The following NUP205 variants were observed in gnomAD, a reference collection of about 807,000 sequenced individuals.
NUP205 encodes nucleoporin 205, also known as nuclear pore complex protein Nup205.
A neutral mutation model predicts 253.8 loss-of-function variants in NUP205; 76 were observed. The ratio of observed to expected loss-of-function variants is 0.30; its 90% confidence interval spans 0.25 to 0.36. The LOEUF (loss-of-function observed/expected upper bound fraction) is 0.36, where lower values mean the gene tolerates loss of function less well. NUP205 is among the 10% of genes least tolerant of loss of function. The pLI is 1.00. For synonymous variants in NUP205, 832 were observed against 850.1 expected, an observed-to-expected ratio of 0.98 and a Z score of 0.37; for missense variants, 2,162 against 2,425.5, an observed-to-expected ratio of 0.89 and a Z score of 2.28.
intron 4 of NUP205, among the ~76,000 whole-genome samples, chr7:135,576,672 A>G (rs538274856): frequency 6.6e-6 from 1 of 152,290 alleles, no homozygotes; most frequent in East Asian, 1.9e-4. Flanking sequence ...TCTTGAGCTC[A>G]GGAGTTTTAG....
intron 22 of NUP205, among the ~76,000 whole-genome samples, chr7:135,611,692 G>A (rs1398268944): frequency 6.6e-6 from 1 of 152,070 alleles, no homozygotes; most frequent in Non-Finnish European, 1.5e-5. Flanking sequence ...ACAAAAATTA[G>A]CCAGGCGTTA....
At chr7:135,617,040 T>C in intron 25 of NUP205, 50 bp from the exon 26 acceptor site, 1 of 1,422,238 alleles carries the variant, frequency 7.0e-7, no homozygotes, top group Non-Finnish European at 9.6e-7. Context: ...ATGGCTTGCC[T>C]TTCTTTTCAA....
chr7:135,643,064 G>T, intron 38 of NUP205, 128 bp from the exon 39 acceptor site: 1 of 753,096 alleles, frequency 1.3e-6, no homozygotes. Flanking sequence ...AAGTAATCTT[G>T]GGTTGGTTTT....
chr7:135,589,826 G>A (rs896062668), intron 10 of NUP205, among the ~76,000 whole-genome samples: 2 of 151,150 alleles, frequency 1.3e-5, no homozygotes, highest in Middle Eastern at 7.0e-3. Flanking sequence ...CCATTTGCAC[G>A]GGAGGCTGAG....
chr7:135,609,104 CAAA>C lies in NUP205; in HGVS notation c.3195+1751_3195+1753del, dbSNP rs1163880987. On this transcript the variant is annotated intron_variant, in intron 22 of 42. Coordinates refer to ENST00000285968, the MANE Select transcript of NUP205 (RefSeq NM_015135.3). ...GGGCAACAAGAGCAAAACTCCGTCT[CAAA>C]AAAAAAAAAAAAAAAAAGAACCAGG... Among the ~76,000 whole-genome samples, 20 of 66,200 alleles carry C rather than the reference CAAA, an allele frequency of 3.0e-4. No homozygotes were observed. The South Asian group carries it at 8.6e-3, about 28-fold the overall frequency. The allele number at this position is 66,200 out of a possible 152,430, so 43.4% of individuals were successfully genotyped here.
intron 22 of NUP205, among the ~76,000 whole-genome samples, 168 bp from the exon 23 acceptor site, chr7:135,613,991 C>G (rs1274220979): frequency 1.3e-5 from 2 of 152,152 alleles, no homozygotes; most frequent in Non-Finnish European, 2.9e-5. Flanking sequence ...TTGCCAAGGA[C>G]TGTTCATAAC....
chr7:135,570,072 G>T (rs1805908782), intron 1 of NUP205, among the ~76,000 whole-genome samples: 3 of 149,126 alleles, frequency 2.0e-5, no homozygotes, highest in Admixed American at 6.7e-5. Flanking sequence ...GAGAGAGAGA[G>T]AGAGAGAGAG....
Position 135,577,694 on chromosome 7 carries a change from T to C in NUP205, c.649-102T>C. The C allele has an allele frequency of 3.7e-6, 3 of 802,394 alleles. 1 individual carries two copies. In the South Asian group the frequency reaches 5.3e-5, roughly 14 times the overall value. 49.7% of individuals were successfully genotyped at this position (802,394 alleles called of 1,614,324 possible). ...TCTTAGGATCACTTGTGGATTTTGA[T>C]AGGTTTTTTTATTAGCCTTTGTAAA... On this transcript the variant is annotated intron_variant, in intron 5 of 42. Coordinates refer to ENST00000285968, the MANE Select transcript of NUP205 (RefSeq NM_015135.3).
intron 42 of NUP205, among the ~76,000 whole-genome samples, chr7:135,648,055 C>T (rs1251070269): frequency 6.6e-6 from 1 of 152,096 alleles, no homozygotes; most frequent in Non-Finnish European, 1.5e-5. Context: ...TTCTCCTTCC[C>T]TCCCTCCCCC....
chr7:135,578,903 C>T lies in NUP205; in HGVS notation c.1030C>T (p.Pro344Ser). 3.8e-6 allele frequency: 6 copies of T among 1,593,680 alleles called. No individual in the cohort carries two copies. Among genetic ancestry groups the T allele is most frequent in the African/African-American group, 1.4e-5 (1 of 73,974 alleles). The change falls in exon 7 of 43, where the codon CCT becomes TCT. Residue 344 changes from proline (P) to serine (S), a missense_variant. By Grantham distance (74) the Pro-to-Ser change is moderately conservative (BLOSUM62 -1). Coordinates refer to ENST00000285968, the MANE Select transcript of NUP205 (RefSeq NM_015135.3). ...ALALRGISQL[P>S]DVTALAEFTE... ...GGCATTGAGGGGAATATCCCAGCTA[C>T]CTGATGTGACAGGTGAATTGATTGT...
chr7:135,616,195 TAA>T, intron 24 of NUP205, 130 bp downstream of exon 24: 2 of 768,608 alleles, frequency 2.6e-6, no homozygotes, highest in Non-Finnish European at 4.0e-6. Context: ...TTTTTTTTCT[TAA>T]AACACAAAAA....
intron 39 of NUP205, among the ~76,000 whole-genome samples, chr7:135,643,628 A>C (rs942717474): frequency 3.3e-5 from 5 of 152,060 alleles, no homozygotes; most frequent in Non-Finnish European, 7.4e-5. Flanking sequence ...TTTATACTCT[A>C]AAATCTGTTC....
chr7:135,584,002 C>T (rs1265351943), intron 7 of NUP205, among the ~76,000 whole-genome samples: 2 of 151,904 alleles, frequency 1.3e-5, no homozygotes, highest in East Asian at 1.9e-4. Context: ...CTACCACACC[C>T]GGCTAATTTT....
intron 35 of NUP205, among the ~76,000 whole-genome samples, chr7:135,633,136 T>G (rs1794746508): frequency 6.6e-6 from 1 of 152,022 alleles, no homozygotes; most frequent in African/African-American, 2.4e-5. Flanking sequence ...AAGCTAATTT[T>G]TTATTTTTTG....
chr7:135,567,929 A>G (rs1421726663), intron 1 of NUP205, among the ~76,000 whole-genome samples: 1 of 152,152 alleles, frequency 6.6e-6, no homozygotes, highest in Non-Finnish European at 1.5e-5. Context: ...GTGAGTCTAA[A>G]ATCAGTTTAG....
At chr7:135,643,499 C>T (rs1202875014) in intron 39 of NUP205, 141 bp downstream of exon 39, 5 of 642,592 alleles carry the variant, frequency 7.8e-6, no homozygotes, top group African/African-American at 5.4e-5. Flanking sequence ...GAAGAAGACT[C>T]CTTCGCCGTA....
At chr7:135,560,051 G>T (rs891906972) in intron 1 of NUP205, among the ~76,000 whole-genome samples, 1 of 152,056 alleles carries the variant, frequency 6.6e-6, no homozygotes, top group African/African-American at 2.4e-5. Flanking sequence ...GTAGAGAAGG[G>T]GTTTCACCAT....
At chr7:135,575,364 A>G (rs1044525391) in intron 3 of NUP205, among the ~76,000 whole-genome samples, 3 of 152,162 alleles carry the variant, frequency 2.0e-5, no homozygotes, top group Admixed American at 6.6e-5. Context: ...AGGCAGAAGA[A>G]ATTGCCTGTG....
At chr7:135,601,616 TTCTC>T (rs1793966645) in intron 17 of NUP205, 109 bp downstream of exon 17, 3 of 1,209,642 alleles carry the variant, frequency 2.5e-6, no homozygotes, top group East Asian at 2.4e-5. Flanking sequence ...CACTGTAAGA[TTCTC>T]TCTCTGTATC....
Sources: allele counts gnomAD v4.1 joint callset (sites outside exome capture counted in the v4.1 genomes callset), GRCh38; gene constraint gnomAD v4.1.1; transcripts MANE v1.5; gene names NCBI Gene and HGNC (gene_info 2026-07-23, HGNC 2026-07-21).